Variants in WDR4 observed in about 807,000 individuals in gnomAD.
WDR4 encodes WDR4 tRNA N7-guanosine methyltransferase non-catalytic subunit, also known as tRNA (guanine-N(7)-)-methyltransferase non-catalytic subunit WDR4.
Under a neutral mutation model 48.6 loss-of-function variants are expected in WDR4, and 47 were observed. That is an observed-to-expected ratio of 0.97 (90% CI 0.77 to 1.23). The LOEUF (loss-of-function observed/expected upper bound fraction) is 1.23, where lower values mean the gene tolerates loss of function less well. WDR4 is among the 50% of genes most tolerant of loss of function. The probability of loss-of-function intolerance (pLI) is 0.00; values close to 1 mark genes in which losing one functional copy is unlikely to be tolerated. For synonymous variants in WDR4, 268 were observed against 230.0 expected (o/e 1.17, Z -1.49); for missense variants, 606 against 551.6 (o/e 1.10, Z -0.99).
the WDR4 span, among the ~76,000 whole-genome samples, chr21:42,890,729 G>A: frequency 6.6e-6 from 1 of 152,220 alleles, no homozygotes; most frequent in Non-Finnish European, 1.5e-5. Context: ...ACTCTGGGCA[G>A]AGAGTTAACT....
chr21:42,846,952 C>CGGAGGTTGCAGTGAGGT (rs56187942), downstream of WDR4, among the ~76,000 whole-genome samples: 2 of 151,236 alleles, frequency 1.3e-5, no homozygotes, highest in African/African-American at 2.4e-5. Flanking sequence ...ACCCGGGAGG[C>CGGAGGTTGCAGTGAGGT]GGAGGTTGCA....
chr21:42,891,184 A>G, the WDR4 span, among the ~76,000 whole-genome samples: 1 of 152,096 alleles, frequency 6.6e-6, no homozygotes, highest in African/African-American at 2.4e-5. Flanking sequence ...TTAGATGGGC[A>G]TGGTGGCGGC....
At chr21:42,878,840 G>A (rs974407257) in intron 1 of WDR4, among the ~76,000 whole-genome samples, 3 of 152,208 alleles carry the variant, frequency 2.0e-5, no homozygotes. Context: ...CCTTGGGTTG[G>A]GTAAGTGTCG....
chr21:42,859,759 C>G (rs2146034729), intron 5 of WDR4, 37 bp from the exon 6 acceptor site: 1 of 1,551,494 alleles, frequency 6.4e-7, no homozygotes, highest in East Asian at 2.4e-5. Flanking sequence ...GTCAGCGAGC[C>G]CAGCGCCCGC....
At chr21:42,882,099 TAGTC>T (rs2058614120), upstream of WDR4, among the ~76,000 whole-genome samples, 1 of 151,760 alleles carries the variant, frequency 6.6e-6, no homozygotes, top group African/African-American at 2.4e-5. Flanking sequence ...TGATCCATGT[TAGTC>T]AGGCTGGTCT....
At chr21:42,873,300 C>T (rs147983909) in intron 3 of WDR4, among the ~76,000 whole-genome samples, 3 of 152,166 alleles carry the variant, frequency 2.0e-5, no homozygotes, top group Admixed American at 6.5e-5. Flanking sequence ...GCCCACTGAT[C>T]GGAGTCTGCT....
At chr21:42,878,230 C>T (rs990042777) in intron 1 of WDR4, among the ~76,000 whole-genome samples, 2 of 152,026 alleles carry the variant, frequency 1.3e-5, no homozygotes, top group Non-Finnish European at 2.9e-5. Flanking sequence ...ACCTAAACTT[C>T]GGTTTATCCC....
downstream of WDR4, among the ~76,000 whole-genome samples, chr21:42,848,234 G>C (rs761875134): frequency 6.6e-6 from 1 of 152,214 alleles, no homozygotes; most frequent in Non-Finnish European, 1.5e-5. Flanking sequence ...GAGCCGGCCT[G>C]AACGAATTAA....
At chr21:42,856,080 T>C (rs1215680189) in intron 6 of WDR4, among the ~76,000 whole-genome samples, 2 of 152,200 alleles carry the variant, frequency 1.3e-5, no homozygotes, top group East Asian at 1.9e-4. Flanking sequence ...GATGGCCAGG[T>C]TGTCATCCGC....
chr21:42,868,928 A>G (rs1011203033), intron 3 of WDR4, among the ~76,000 whole-genome samples: 2 of 152,276 alleles, frequency 1.3e-5, no homozygotes, highest in African/African-American at 4.8e-5. Flanking sequence ...AGGAAACACT[A>G]GCATTTGAGC....
chr21:42,887,978 A>G, the WDR4 span, among the ~76,000 whole-genome samples: 4 of 152,224 alleles, frequency 2.6e-5, no homozygotes, highest in African/African-American at 9.6e-5. Context: ...ATATTTTATC[A>G]TCAATTTGAG....
upstream of WDR4, chr21:42,879,632 C>T: frequency 9.1e-7 from 1 of 1,096,948 alleles, no homozygotes; most frequent in Non-Finnish European, 1.3e-6. Context: ...GACGAGCCTG[C>T]CTTGAGCATG....
At chr21:42,843,406 CTTTTTTTTTTTTTTT>C (rs532319764) in intron 11 of WDR4, 1 of 72,238 alleles carries the variant, frequency 1.4e-5, no homozygotes, top group Non-Finnish European at 2.5e-5. Context: ...CACTGGTGTG[CTTTTTTTTTTTTTTT>C]TTTTTTTTTT....
intron 11 of WDR4, chr21:42,843,398 C>T (rs890624643): frequency 6.6e-4 from 93 of 140,846 alleles, no homozygotes; most frequent in Admixed American, 1.7e-3. Context: ...ATGGAAGACA[C>T]TGGTGTGCTT....
rs183759575 is a variant in WDR4, at chr21:42,853,506, C to A, written c.975+63G>T. On this transcript the variant is annotated intron_variant, in intron 9 of 10. Coordinates refer to ENST00000398208, the MANE Select transcript of WDR4 (RefSeq NM_018669.6). ...ATGGACCCAAAAAACATAGCTGCCG[C>A]CCCACACCCCCAGGCTTATGGAAAG... 3 of 1,530,366 alleles carry A rather than the reference C, an allele frequency of 2.0e-6. No individual in the cohort carries two copies. The African/African-American group carries it at 4.1e-5, about 21-fold the overall frequency. The allele number at this position is 1,530,366 out of a possible 1,614,324, so 94.8% of individuals were successfully genotyped here.
intron 8 of WDR4, among the ~76,000 whole-genome samples, chr21:42,854,167 G>A (rs1306796347): frequency 6.6e-6 from 1 of 152,256 alleles, no homozygotes; most frequent in East Asian, 1.9e-4. Context: ...CACTCGGGAA[G>A]AAGCAGCAGA....
intron 3 of WDR4, among the ~76,000 whole-genome samples, chr21:42,867,305 C>T (rs983725559): frequency 3.3e-5 from 5 of 151,206 alleles, no homozygotes; most frequent in Non-Finnish European, 7.4e-5. Context: ...GCAGGAGAAT[C>T]GCTTGAACCC....
In WDR4 at chr21:42,872,114, AGCTGGAACT is replaced by A. The variant is rs1417084808; in HGVS notation, c.296+1428_296+1436del. Among the ~76,000 whole-genome samples, 7 of 152,024 alleles carry A rather than the reference AGCTGGAACT, an allele frequency of 4.6e-5. 1 individual carries two copies. The highest frequency in any genetic ancestry group is 1.0e-4 in the Non-Finnish European group (7 of 67,996). The stretch of plus-strand genomic sequence containing the variant: ...ATTCTCCTGCCTCAGCCTCCCGAGT[AGCTGGAACT>A]ACAGGCACGCACCACCATGCCCAGC... On this transcript the variant is annotated intron_variant, in intron 3 of 10. Transcript: ENST00000398208.
chr21:42,857,008 T>G (rs2058010941), intron 6 of WDR4, among the ~76,000 whole-genome samples: 1 of 151,786 alleles, frequency 6.6e-6, no homozygotes, highest in Non-Finnish European at 1.5e-5. Context: ...AGGGAACAAA[T>G]GCACCAGCCA....
Sources: allele counts gnomAD v4.1 joint callset (sites outside exome capture counted in the v4.1 genomes callset), GRCh38; gene constraint gnomAD v4.1.1; transcripts MANE v1.5; gene names NCBI Gene and HGNC (gene_info 2026-07-23, HGNC 2026-07-21).